The following DPP7 variants were observed in gnomAD, a reference collection of about 807,000 sequenced individuals.
DPP7 encodes the protein dipeptidyl peptidase 7.
A neutral mutation model predicts 58.8 loss-of-function variants in DPP7; 74 were observed. The observed-to-expected ratio is 1.26, with a 90% CI of 1.04 to 1.53. DPP7 has a LOEUF of 1.53. Ranked by LOEUF, DPP7 falls within the 40% of genes most tolerant of loss-of-function variation. The probability of loss-of-function intolerance (pLI) is 0.00; values close to 1 mark genes in which losing one functional copy is unlikely to be tolerated. For missense variants in DPP7, 807 were observed against 692.3 expected (o/e 1.17, Z -1.86); for synonymous variants, 350 against 303.6 (o/e 1.15, Z -1.59).
chr9:137,114,653 C>T lies in DPP7; in HGVS notation c.61G>A (p.Ala21Thr), dbSNP rs1276913359. 16 of 1,374,962 alleles carry T rather than the reference C, an allele frequency of 1.2e-5. No homozygotes were observed. Among genetic ancestry groups the T allele is most frequent in the Non-Finnish European group, 2.8e-6 (3 of 1,065,444 alleles). 85.2% of individuals were successfully genotyped at this position (1,374,962 alleles called of 1,614,324 possible). A position where few individuals can be genotyped will look rare whatever the true frequency, so the allele number is the denominator to read the frequency against. The change falls in exon 1 of 13, where the codon GCG becomes ACG. Residue 21 changes from alanine (A) to threonine (T), a missense_variant. Ala to Thr is a moderately conservative substitution (Grantham distance 58). This residue lies in a region of DPP7 where 168 missense variants were observed against 124.1 expected (regional missense o/e 1.35). Coordinates refer to ENST00000371579, the MANE Select transcript of DPP7 (RefSeq NM_013379.3). ...LLALGLRGLQ[A>T]GARRAPDPGF... ...GGGGGGCGCCGCCACTCACCCCCCG[C>T]CTGGAGGCCGCGCAGCCCGAGCGCC...
Position 137,111,682 on chromosome 9 carries a change from G to T in DPP7, c.1272+8C>A, listed in dbSNP as rs371372857. ...TAACGGGGTCATAGGGCCCAGGCCAGGACTCACCCCGCCCCCTGCCCAGGG... is the reference window on the plus strand; with the variant it reads ...TAACGGGGTCATAGGGCCCAGGCCATGACTCACCCCGCCCCCTGCCCAGGG... On this transcript the variant is annotated splice_region_variant and intron_variant, in intron 11 of 12. Coordinates refer to ENST00000371579, the MANE Select transcript of DPP7 (RefSeq NM_013379.3). The T allele has an allele frequency of 6.2e-7, 1 of 1,613,288 alleles. No homozygotes were observed. The highest frequency in any genetic ancestry group is 1.1e-5 in the South Asian group (1 of 91,092).
Position 137,112,140 on chromosome 9 carries a change from C to A in DPP7, c.1022G>T (p.Gly341Val), listed in dbSNP as rs767408140. ...GTAGTCCCAGGCCCTGGCGTCGGGG[C>A]CGGTGCCGCAGCCAGTGGGGTCAGC... ...SCADPTGCGTGPDARAWDYQA... is the reference protein window; with the variant it reads ...SCADPTGCGTVPDARAWDYQA... Residue 341 changes from glycine (G) to valine (V), a missense_variant, in exon 9 of 13, where the codon GGC becomes GTC. This residue lies in a region of DPP7 where 624 missense variants were observed against 531.2 expected (regional missense o/e 1.17). Transcript: ENST00000371579. 22 of 1,610,680 alleles carry A rather than the reference C, an allele frequency of 1.4e-5. No individual in the cohort carries two copies. In the East Asian group the frequency reaches 4.2e-4, roughly 31 times the overall value.
Position 137,113,091 on chromosome 9 carries a change from G to A in DPP7, c.732C>T (p.Gly244=). 4 of 1,613,806 alleles carry A rather than the reference G, an allele frequency of 2.5e-6. No homozygotes were observed. Among genetic ancestry groups the A allele is most frequent in the Non-Finnish European group, 2.5e-6 (3 of 1,180,018 alleles). ...TCTCGTCTGACAGCGGCTGGCAGGTGCCGAACTCCCAGCGGACCGTGTCGT... is the reference window on the plus strand; with the variant it reads ...TCTCGTCTGACAGCGGCTGGCAGGTACCGAACTCCCAGCGGACCGTGTCGT... ...GAYDTVRWEF[G]TCQPLSDEKD... is the part of the protein sequence containing the mutation. The change falls in exon 7 of 13, where the codon GGC becomes GGT. Residue 244 remains glycine (G), a synonymous_variant. Transcript: ENST00000371579.
chr9:137,111,684 A>T lies in DPP7; in HGVS notation c.1272+6T>A. ...ACGGGGTCATAGGGCCCAGGCCAGG[A>T]CTCACCCCGCCCCCTGCCCAGGGGT... is the stretch of plus-strand genomic sequence containing the variant. On this transcript the variant is annotated splice_donor_region_variant and intron_variant, in intron 11 of 12. Coordinates refer to ENST00000371579, the MANE Select transcript of DPP7 (RefSeq NM_013379.3). 1 of 1,612,464 alleles carries T rather than the reference A, an allele frequency of 6.2e-7. No homozygotes were observed. Among genetic ancestry groups the T allele is most frequent in the East Asian group, 2.2e-5 (1 of 44,830 alleles).
upstream of DPP7, among the ~76,000 whole-genome samples, chr9:137,116,935 G>A (rs545998263): frequency 8.5e-5 from 13 of 152,292 alleles, no homozygotes; most frequent in African/African-American, 2.4e-4. Flanking sequence ...GTGCACATCC[G>A]GGCACAGCAC....
chr9:137,111,365 G>A (rs920935392), intron 11 of DPP7, among the ~76,000 whole-genome samples: 1 of 150,160 alleles, frequency 6.7e-6, no homozygotes, highest in Non-Finnish European at 1.5e-5. Context: ...GGTGAGACGG[G>A]AGCAGGGTAG....
At position 137,113,422 on chromosome 9, in the gene DPP7, G is replaced by A. The variant is rs367853938; in HGVS notation, c.560C>T (p.Ala187Val). ...GAGGCCTGCCACAGCTAGAACGGGC[G>A]CGCTGGCCGCCAGCGCCCCCGCCAC... ...HLVAGALAAS[A>V]PVLAVAGLGD... is the part of the protein sequence containing the mutation. The change falls in exon 5 of 13, where the codon GCG (alanine) becomes GTG (valine). Residue 187 changes from alanine to valine, a missense_variant. This residue lies in a region of DPP7 where 624 missense variants were observed against 531.2 expected (regional missense o/e 1.17). Coordinates refer to ENST00000371579, the MANE Select transcript of DPP7 (RefSeq NM_013379.3). The A allele has an allele frequency of 1.5e-5, 24 of 1,606,960 alleles. No homozygotes were observed. The highest frequency in any genetic ancestry group is 1.9e-5 in the Non-Finnish European group (22 of 1,175,914).
Position 137,110,674 on chromosome 9 carries a change from G to A in DPP7, c.1453C>T (p.Arg485Cys), listed in dbSNP as rs768712654. The change falls in exon 13 of 13, where the codon CGT becomes TGT. Residue 485 changes from arginine to cysteine, a missense_variant. Arg to Cys is a radical substitution (Grantham distance 180). Transcript: ENST00000371579. ...AARREQQPAL[R>C]GGPRLSL is the part of the protein sequence containing the mutation. ...CAGAGGCTGAGTCTGGGCCCCCCAC[G>A]CAGAGCTGGCTGCTGCTCACGCCTG... 1.1e-5 allele frequency: 17 copies of A among 1,609,514 alleles called. No homozygotes were observed. The highest frequency in any genetic ancestry group is 2.2e-5 in the South Asian group (2 of 90,994).
At chr9:137,117,864 A>C (rs1588672039), upstream of DPP7, among the ~76,000 whole-genome samples, 1 of 149,724 alleles carries the variant, frequency 6.7e-6, no homozygotes, top group Non-Finnish European at 1.5e-5. Flanking sequence ...CTATCTCATC[A>C]CCCCCAGTAG....
Position 137,114,708 on chromosome 9 carries a change from G to A in DPP7, c.6C>T (p.Gly2=). ...GCAGGACCGGGGCCCAGGGAGCGGA[G>A]CCCATGTCGCCTTCCGCGGGCGCCC... M[G]SAPWAPVLLL... is the part of the protein sequence containing the mutation. The change falls in exon 1 of 13, where the codon GGC becomes GGT. Residue 2 remains glycine, a synonymous_variant. Transcript: ENST00000371579. 5.4e-6 allele frequency: 7 copies of A among 1,286,622 alleles called. No homozygotes were observed. The highest frequency in any genetic ancestry group is 6.9e-6 in the Non-Finnish European group (7 of 1,019,728). The allele number at this position is 1,286,622 out of a possible 1,614,324, so 79.7% of individuals were successfully genotyped here.
Position 137,112,099 on chromosome 9 carries a change from C to T in DPP7, c.1050+13G>A, listed in dbSNP as rs928348709. ...TGCCCCCGAGTGGTTCCAGGCCACCCACACCCCCACACCTGGTAGTCCCAG... is the reference window on the plus strand; with the variant it reads ...TGCCCCCGAGTGGTTCCAGGCCACCTACACCCCCACACCTGGTAGTCCCAG... On this transcript the variant is annotated intron_variant, in intron 9 of 12. Coordinates refer to ENST00000371579, the MANE Select transcript of DPP7 (RefSeq NM_013379.3). The T allele has an allele frequency of 3.1e-6, 5 of 1,611,828 alleles. No individual in the cohort carries two copies. Among genetic ancestry groups the T allele is most frequent in the Non-Finnish European group, 4.2e-6 (5 of 1,179,470 alleles).
chr9:137,113,545 C>T (rs997218534), intron 4 of DPP7, 49 bp from the exon 5 acceptor site: 5 of 1,509,204 alleles, frequency 3.3e-6, no homozygotes, highest in South Asian at 2.7e-5. Context: ...CACCCCATTT[C>T]CTCTTTTCCT....
chr9:137,114,667 A>T lies in DPP7; in HGVS notation c.47T>A (p.Leu16Gln), dbSNP rs1831573345. 7.3e-6 allele frequency: 10 copies of T among 1,361,868 alleles called. No homozygotes were observed. The East Asian group carries it at 3.1e-4, about 42-fold the overall frequency. The allele number at this position is 1,361,868 out of a possible 1,614,324, so 84.4% of individuals were successfully genotyped here. ...WAPVLLLALG[L>Q]RGLQAGARRA... is the part of the protein sequence containing the mutation. ...CTCACCCCCCGCCTGGAGGCCGCGC[A>T]GCCCGAGCGCCAGCAGCAGGACCGG... The change falls in exon 1 of 13, where the codon CTG becomes CAG. Residue 16 changes from leucine (L) to glutamine (Q), a missense_variant. Coordinates refer to ENST00000371579, the MANE Select transcript of DPP7 (RefSeq NM_013379.3).
In DPP7 at chr9:137,112,148, G is replaced by A. The variant is rs139869334; in HGVS notation, c.1014C>T (p.Cys338=). ...LYHSCADPTG[C]GTGPDARAWD... Reference sequence around the variant, plus strand: ...AGGCCCTGGCGTCGGGGCCGGTGCCGCAGCCAGTGGGGTCAGCACAGCTGT... The same window carrying A: ...AGGCCCTGGCGTCGGGGCCGGTGCCACAGCCAGTGGGGTCAGCACAGCTGT... Residue 338 remains cysteine, a synonymous_variant, in exon 9 of 13, where the codon TGC becomes TGT. Transcript: ENST00000371579. The A allele has an allele frequency of 1.3e-4, 206 of 1,609,966 alleles. No individual in the cohort carries two copies. In the African/African-American group the frequency reaches 1.7e-3, roughly 13 times the overall value.
rs542010751 is a variant in DPP7, at chr9:137,113,307, C to T, written c.622-20G>A. ...AAAGTCCTGGGGGAAAGAGACCGTG[C>T]TGACTGCAGCTGCTGTCCCTTAGGG... On this transcript the variant is annotated intron_variant, in intron 5 of 12. Transcript: ENST00000371579. 1.2e-6 allele frequency: 2 copies of T among 1,613,470 alleles called. No individual in the cohort carries two copies. The highest frequency in any genetic ancestry group is 1.1e-5 in the South Asian group (1 of 91,082).
At chr9:137,115,343 C>T (rs893154387), upstream of DPP7, among the ~76,000 whole-genome samples, 5 of 152,188 alleles carry the variant, frequency 3.3e-5, no homozygotes, top group East Asian at 1.9e-4. Context: ...CCTGCAGGGA[C>T]AAGGGGGGAC....
intron 4 of DPP7, 177 bp from the exon 5 acceptor site, chr9:137,113,673 T>A: frequency 1.4e-6 from 2 of 1,423,376 alleles, no homozygotes; most frequent in African/African-American, 2.9e-5. Context: ...TGGCCGCACA[T>A]CCAAGCTGAG....
In DPP7 at chr9:137,113,607, A is replaced by G. The variant is rs1442095250; in HGVS notation, c.486-111T>C. 2.1e-6 allele frequency: 3 copies of G among 1,443,588 alleles called. No homozygotes were observed. The South Asian group carries it at 4.4e-5, about 21-fold the overall frequency. The allele number at this position is 1,443,588 out of a possible 1,614,324, so 89.4% of individuals were successfully genotyped here. ...GAGGACGACACTTCTGAGACCCACAAATTCCAACCCTGGGCCAGGTGCGGG... is the reference window on the plus strand; with the variant it reads ...GAGGACGACACTTCTGAGACCCACAGATTCCAACCCTGGGCCAGGTGCGGG... On this transcript the variant is annotated intron_variant, in intron 4 of 12. Transcript: ENST00000371579.
upstream of DPP7, among the ~76,000 whole-genome samples, chr9:137,116,281 G>C (rs780758645): frequency 1.3e-5 from 2 of 152,234 alleles, no homozygotes; most frequent in African/African-American, 2.4e-5. Context: ...GGTGAGGGTG[G>C]CCACAGTCCC....
Sources: allele counts gnomAD v4.1 joint callset (sites outside exome capture counted in the v4.1 genomes callset), GRCh38; gene constraint gnomAD v4.1.1; regional missense constraint gnomAD v4.1.1; transcripts MANE v1.5; gene names NCBI Gene and HGNC (gene_info 2026-07-23, HGNC 2026-07-21).